MYO5B: variants seen among roughly 807,000 people sequenced by gnomAD.
MYO5B encodes the protein unconventional myosin-Vb.
Under a neutral mutation model 229.3 loss-of-function variants are expected in MYO5B, and 143 were observed. The observed-to-expected ratio is 0.62, with a 90% CI of 0.54 to 0.72. MYO5B has a LOEUF of 0.72. Ranked by LOEUF, MYO5B falls within the 30% of genes least tolerant of loss-of-function variation. The probability of loss-of-function intolerance (pLI) is 0.00; values close to 1 mark genes in which losing one functional copy is unlikely to be tolerated. For missense variants in MYO5B, 2,321 were observed against 2,331.0 expected (o/e 1.00, Z 0.09); for synonymous variants, 918 against 885.2 (o/e 1.04, Z -0.66).
chr18:50,041,000 C>T (rs1402445765), intron 2 of MYO5B, among the ~76,000 whole-genome samples: 2 of 152,132 alleles, frequency 1.3e-5, no homozygotes, highest in African/African-American at 4.8e-5. Flanking sequence ...ACCCTCGGTA[C>T]ATGTATGCAC....
At chr18:50,031,516 A>G (rs1364705637) in intron 4 of MYO5B, among the ~76,000 whole-genome samples, 1 of 152,250 alleles carries the variant, frequency 6.6e-6, no homozygotes, top group Non-Finnish European at 1.5e-5. Flanking sequence ...GCACTGGGGT[A>G]AAGCATGGAA....
At chr18:49,886,853 T>C (rs2024648287) in intron 22 of MYO5B, among the ~76,000 whole-genome samples, 1 of 152,104 alleles carries the variant, frequency 6.6e-6, no homozygotes, top group Non-Finnish European at 1.5e-5. Flanking sequence ...CTGTCACTCA[T>C]CCATCACACA....
At chr18:49,944,601 G>T (rs1453512076) in intron 14 of MYO5B, among the ~76,000 whole-genome samples, 1 of 152,000 alleles carries the variant, frequency 6.6e-6, no homozygotes, top group African/African-American at 2.4e-5. Context: ...AACCTCTCAG[G>T]CTTACTAGAT....
At chr18:50,115,403 A>C (rs2031939832) in intron 1 of MYO5B, among the ~76,000 whole-genome samples, 1 of 152,168 alleles carries the variant, frequency 6.6e-6, no homozygotes, top group Non-Finnish European at 1.5e-5. Flanking sequence ...ACAGTTATGC[A>C]ACCCTCTCCC....
chr18:49,875,864 T>TA (rs1322474255), intron 25 of MYO5B, 37 bp from the exon 26 acceptor site: 1 of 1,612,802 alleles, frequency 6.2e-7, no homozygotes. Context: ...AAGGTTTTCC[T>TA]AAATACATGC....
intron 1 of MYO5B, among the ~76,000 whole-genome samples, chr18:50,184,077 A>T (rs1444570659): frequency 6.6e-6 from 1 of 152,314 alleles, no homozygotes; most frequent in African/African-American, 2.4e-5. Flanking sequence ...AGTCTCGGGT[A>T]TTCTGTTGCA....
intron 1 of MYO5B, among the ~76,000 whole-genome samples, chr18:50,138,829 C>G (rs1053680273): frequency 3.3e-5 from 5 of 152,170 alleles, no homozygotes; most frequent in African/African-American, 4.8e-5. Context: ...TGCTTAAGTA[C>G]CAGAGCCCAG....
At chr18:50,114,307 G>C (rs1273970895) in intron 1 of MYO5B, among the ~76,000 whole-genome samples, 2 of 152,196 alleles carry the variant, frequency 1.3e-5, no homozygotes, top group Non-Finnish European at 2.9e-5. Context: ...TGCACAGAAA[G>C]TCAAGTCATG....
At chr18:50,095,924 T>G (rs1180076603) in intron 1 of MYO5B, among the ~76,000 whole-genome samples, 1 of 152,208 alleles carries the variant, frequency 6.6e-6, no homozygotes, top group Non-Finnish European at 1.5e-5. Context: ...AACAGAATTA[T>G]TTGAAAGTCA....
At chr18:49,868,723 C>T (rs1300110111) in intron 27 of MYO5B, among the ~76,000 whole-genome samples, 2 of 152,154 alleles carry the variant, frequency 1.3e-5, no homozygotes, top group South Asian at 2.1e-4. Flanking sequence ...GCACACTGGC[C>T]GGGGCTAACA....
At chr18:50,018,436 A>G (rs914422092) in intron 4 of MYO5B, among the ~76,000 whole-genome samples, 2 of 152,212 alleles carry the variant, frequency 1.3e-5, no homozygotes, top group Admixed American at 6.5e-5. Context: ...TATGCTATAA[A>G]CTGTCTAGAG....
intron 1 of MYO5B, among the ~76,000 whole-genome samples, chr18:50,094,377 G>C (rs559698854): frequency 6.6e-5 from 10 of 152,068 alleles, no homozygotes; most frequent in African/African-American, 9.7e-5. Context: ...GAAACAGGGA[G>C]GGGAAAATGT....
chr18:50,087,696 G>A (rs1028622855), intron 1 of MYO5B, among the ~76,000 whole-genome samples: 1 of 152,162 alleles, frequency 6.6e-6, no homozygotes, highest in African/African-American at 2.4e-5. Flanking sequence ...AACATGCAGA[G>A]GTAGCAACAA....
intron 7 of MYO5B, among the ~76,000 whole-genome samples, chr18:49,988,305 A>C (rs1400885402): frequency 6.6e-6 from 1 of 152,182 alleles, no homozygotes; most frequent in African/African-American, 2.4e-5. Context: ...CAGCCAATCC[A>C]CCCATGAGGC....
intron 9 of MYO5B, among the ~76,000 whole-genome samples, chr18:49,979,861 G>C (rs73963103): frequency 0.047 from 7,159 of 152,220 alleles, 197 homozygotes; most frequent in Non-Finnish European, 0.064. Flanking sequence ...TCCATCACCC[G>C]TCCATCCACT....
rs552253717 is a variant in MYO5B at position 49,866,433 on chromosome 18, C to G, written c.3604-2053G>C. Among the ~76,000 whole-genome samples the G allele has an allele frequency of 2.0e-5, 3 of 152,232 alleles. No homozygotes were observed. The South Asian group carries it at 6.2e-4, about 32-fold the overall frequency. On this transcript the variant is annotated intron_variant, in intron 27 of 39. Transcript: ENST00000285039. ...AAGTCCATTTATGTTGTGCAACCAT[C>G]CCCACCATCCATCTCGAGAACTTTT...
In MYO5B at chr18:49,974,337, GCGGC is replaced by G; in HGVS notation, c.1322+9_1322+12del. ...CCAGGTAGCAGATAGAGCGAGACAG[GCGGC>G]AGGCCTACCCATAGATGTCCAGGAC... is the stretch of plus-strand genomic sequence containing the variant. On this transcript the variant is annotated intron_variant, in intron 10 of 39. Coordinates refer to ENST00000285039, the MANE Select transcript of MYO5B (RefSeq NM_001080467.3). The G allele has an allele frequency of 6.2e-7, 1 of 1,614,196 alleles. No individual in the cohort carries two copies. The highest frequency in any genetic ancestry group is 8.5e-7 in the Non-Finnish European group (1 of 1,180,020).
At chr18:50,150,725 C>T (rs2032585500) in intron 1 of MYO5B, among the ~76,000 whole-genome samples, 1 of 152,048 alleles carries the variant, frequency 6.6e-6, no homozygotes, top group Non-Finnish European at 1.5e-5. Context: ...GGAGATATAC[C>T]TAATGCTAGA....
chr18:50,113,110 C>T (rs1268801355), intron 1 of MYO5B, among the ~76,000 whole-genome samples: 2 of 152,166 alleles, frequency 1.3e-5, no homozygotes, highest in Non-Finnish European at 2.9e-5. Context: ...TGCCCGTCCC[C>T]ACCACCTACA....
Sources: allele counts gnomAD v4.1 joint callset (sites outside exome capture counted in the v4.1 genomes callset), GRCh38; gene constraint gnomAD v4.1.1; transcripts MANE v1.5; gene names NCBI Gene and HGNC (gene_info 2026-07-23, HGNC 2026-07-21).